Variants in TPRG1 observed in about 807,000 individuals in gnomAD.
TPRG1 encodes the protein tumor protein p63 regulated 1.
In TPRG1, 29 loss-of-function variants were observed where a neutral mutation model predicts 29.3. That is an observed-to-expected ratio of 0.99 (90% CI 0.74 to 1.35). The LOEUF is 1.35. TPRG1 is among the 40% of genes most tolerant of loss of function. The probability of loss-of-function intolerance (pLI) is 0.00; values close to 1 mark genes in which losing one functional copy is unlikely to be tolerated. For synonymous variants in TPRG1, 130 were observed against 116.8 expected (o/e 1.11, Z -0.73); for missense variants, 327 against 335.0 (o/e 0.98, Z 0.19).
intron 1 of TPRG1, among the ~76,000 whole-genome samples, chr3:189,117,274 A>G (rs1264953352): frequency 1.3e-5 from 2 of 152,234 alleles, no homozygotes; most frequent in Non-Finnish European, 2.9e-5. Flanking sequence ...ACAAATCATG[A>G]GTGGTTGCTC....
At chr3:189,028,885 A>G (rs925063464) in intron 4 of TPRG1, among the ~76,000 whole-genome samples, 1 of 152,198 alleles carries the variant, frequency 6.6e-6, no homozygotes, top group African/African-American at 2.4e-5. Context: ...GTATGACTAC[A>G]GAGCAGATTA....
intron 1 of TPRG1, among the ~76,000 whole-genome samples, chr3:189,100,863 T>C (rs888205632): frequency 1.3e-5 from 2 of 152,152 alleles, no homozygotes; most frequent in African/African-American, 2.4e-5. Flanking sequence ...AAGTTTCTGG[T>C]AAAAGAAAAT....
At chr3:189,099,756 T>C (rs1718970695), upstream of TPRG1, among the ~76,000 whole-genome samples, 1 of 152,170 alleles carries the variant, frequency 6.6e-6, no homozygotes, top group Admixed American at 6.5e-5. Flanking sequence ...CAGACCCAGA[T>C]TGCTTTCAGC....
intron 5 of TPRG1, among the ~76,000 whole-genome samples, chr3:189,315,004 A>G (rs1175949981): frequency 6.6e-6 from 1 of 152,192 alleles, no homozygotes; most frequent in Non-Finnish European, 1.5e-5. Context: ...ATGTACCAGT[A>G]TTCCCATTCC....
At chr3:189,118,649 G>A (rs982122197) in intron 1 of TPRG1, among the ~76,000 whole-genome samples, 1 of 152,196 alleles carries the variant, frequency 6.6e-6, no homozygotes, top group Non-Finnish European at 1.5e-5. Flanking sequence ...TCCAGCTGTG[G>A]CTAAAAGGGG....
chr3:189,147,234 A>G (rs1725383274), intron 3 of TPRG1, among the ~76,000 whole-genome samples: 1 of 152,176 alleles, frequency 6.6e-6, no homozygotes, highest in African/African-American at 2.4e-5. Context: ...ATTAAAAGAG[A>G]CTTGCTTAGT....
chr3:189,274,843 G>T (rs1376366770), intron 4 of TPRG1, among the ~76,000 whole-genome samples: 2 of 151,392 alleles, frequency 1.3e-5, no homozygotes, highest in Non-Finnish European at 2.9e-5. Context: ...ACCTTAAATT[G>T]AATTTTGACC....
chr3:189,208,732 A>G (rs1734801114), intron 2 of TPRG1, among the ~76,000 whole-genome samples: 2 of 152,234 alleles, frequency 1.3e-5, no homozygotes, highest in African/African-American at 4.8e-5. Flanking sequence ...TTTATTGAAT[A>G]TGCAAAGTTA....
At chr3:189,261,388 T>A (rs1219218437) in intron 4 of TPRG1, among the ~76,000 whole-genome samples, 1 of 151,918 alleles carries the variant, frequency 6.6e-6, no homozygotes, top group Admixed American at 6.6e-5. Context: ...TTTTCTTGGC[T>A]TCAGAGGTGG....
intron 4 of TPRG1, among the ~76,000 whole-genome samples, chr3:189,266,370 G>A (rs1714084372): frequency 6.6e-6 from 1 of 152,206 alleles, no homozygotes. Flanking sequence ...AAGCTAGTGA[G>A]TCAGAGTGGG....
intron 4 of TPRG1, among the ~76,000 whole-genome samples, chr3:189,303,549 C>T (rs1721163603): frequency 6.6e-6 from 1 of 151,940 alleles, no homozygotes; most frequent in African/African-American, 2.4e-5. Flanking sequence ...TTTTTTTTGA[C>T]TACCAGTCCA....
intron 3 of TPRG1, among the ~76,000 whole-genome samples, chr3:189,021,370 C>T (rs1034259497): frequency 2.8e-4 from 42 of 151,890 alleles, no homozygotes; most frequent in African/African-American, 8.9e-4. Context: ...CGGCTGGTAC[C>T]GGTTGTTCGT....
intron 4 of TPRG1, among the ~76,000 whole-genome samples, chr3:189,070,859 T>C (rs937234148): frequency 1.3e-5 from 2 of 152,100 alleles, no homozygotes; most frequent in African/African-American, 4.8e-5. Flanking sequence ...TGAATCTCTG[T>C]GTGACCATTG....
At chr3:189,154,825 A>G (rs1372170766) in intron 5 of TPRG1, among the ~76,000 whole-genome samples, 1 of 152,180 alleles carries the variant, frequency 6.6e-6, no homozygotes, top group African/African-American at 2.4e-5. Context: ...CACATAGTAC[A>G]TCAGACGGTG....
At chr3:189,160,292 C>T (rs912837531) in intron 5 of TPRG1, among the ~76,000 whole-genome samples, 3 of 152,094 alleles carry the variant, frequency 2.0e-5, no homozygotes, top group African/African-American at 7.2e-5. Context: ...TCTCACATGG[C>T]AGTGAGGAGG....
chr3:189,028,409 G>A (rs1035877180), intron 4 of TPRG1, among the ~76,000 whole-genome samples: 107 of 152,170 alleles, frequency 7.0e-4, no homozygotes, highest in Admixed American at 7.0e-3. Context: ...TTCTATGGGG[G>A]ACAGGGTCAC....
chr3:189,049,516 T>C (rs1242851179), intron 4 of TPRG1, among the ~76,000 whole-genome samples: 1 of 152,082 alleles, frequency 6.6e-6, no homozygotes, highest in Non-Finnish European at 1.5e-5. Context: ...GAGTCTGACC[T>C]CAGACACACC....
Position 189,260,221 on chromosome 3 carries a change from A to G in TPRG1, c.479+21312A>G, listed in dbSNP as rs537917783. 6.6e-5 allele frequency among the ~76,000 whole-genome samples: 10 copies of G among 152,280 alleles called. No individual in the cohort carries two copies. In the South Asian group the frequency reaches 2.1e-3, roughly 32 times the overall value. The stretch of plus-strand genomic sequence containing the variant: ...TCTGTGTTGAGGGTTCCATGAGATA[A>G]TATGGGTAAAATGCTTAGAAGAACA... On this transcript the variant is annotated intron_variant, in intron 4 of 5. Coordinates refer to ENST00000345063, the MANE Select transcript of TPRG1 (RefSeq NM_198485.4).
chr3:189,078,770 A>T (rs1578303350), intron 4 of TPRG1, among the ~76,000 whole-genome samples: 1 of 152,324 alleles, frequency 6.6e-6, no homozygotes, highest in Non-Finnish European at 1.5e-5. Context: ...TAGCTGTGCT[A>T]CCTTAAACAA....
Sources: gnomAD v4.1 joint callset for allele counts (sites outside exome capture counted in the v4.1 genomes callset) on GRCh38, gnomAD v4.1.1 for gene constraint, MANE v1.5 for transcripts, NCBI Gene and HGNC (gene_info 2026-07-23, HGNC 2026-07-21) for gene names.